FOCAD: variants seen among roughly 807,000 people sequenced by gnomAD.
FOCAD encodes focadhesin, also known as KIAA1797.
A neutral mutation model predicts 225.6 loss-of-function variants in FOCAD; 198 were observed. The observed-to-expected ratio is 0.88, with a 90% CI of 0.78 to 0.99. The LOEUF (loss-of-function observed/expected upper bound fraction) is 0.99. Among genes scored for constraint, FOCAD ranks in the 50% least tolerant of loss-of-function variants. The pLI is 0.00. For synonymous variants in FOCAD, 897 were observed against 755.0 expected (o/e 1.19, Z -3.08); for missense variants, 2,713 against 2,123.6 (o/e 1.28, Z -5.46).
chr9:20,954,533 G>T (rs1263761373), intron 35 of FOCAD, among the ~76,000 whole-genome samples: 1 of 151,956 alleles, frequency 6.6e-6, no homozygotes, highest in Non-Finnish European at 1.5e-5. Context: ...ATATTTCTTG[G>T]CAGACATGAA....
intron 11 of FOCAD, among the ~76,000 whole-genome samples, chr9:20,803,798 G>C (rs1161869441): frequency 1.3e-5 from 2 of 152,146 alleles, no homozygotes; most frequent in Non-Finnish European, 2.9e-5. Context: ...CCCTAACTCA[G>C]TGTTGAAGGA....
intron 8 of FOCAD, among the ~76,000 whole-genome samples, chr9:20,775,744 A>T (rs536430242): frequency 1.3e-5 from 2 of 151,960 alleles, no homozygotes; most frequent in Non-Finnish European, 1.5e-5. Context: ...GTTTAGTGCT[A>T]TTTTCATTTG....
intron 34 of FOCAD, among the ~76,000 whole-genome samples, chr9:20,951,990 A>G (rs1837728714): frequency 6.6e-6 from 1 of 152,186 alleles, no homozygotes; most frequent in African/African-American, 2.4e-5. Flanking sequence ...TTCTGTAGCT[A>G]TGGAAATAGG....
At position 20,834,015 on chromosome 9, in the gene FOCAD, G is replaced by C. The variant is rs78167841; in HGVS notation, c.1920+10900G>C. On this transcript the variant is annotated intron_variant, in intron 15 of 43. Coordinates refer to ENST00000338382, the MANE Select transcript of FOCAD (RefSeq NM_001375567.1). ...TACTTACCCAAGTAAACAAAAACATGTTCAGGTAAAAGACTTGTACGGAAT... is the reference window on the plus strand; with the variant it reads ...TACTTACCCAAGTAAACAAAAACATCTTCAGGTAAAAGACTTGTACGGAAT... 6.9e-3 allele frequency among the ~76,000 whole-genome samples: 1,047 copies of C among 152,096 alleles called. 6 individuals carry two copies. The highest frequency in any genetic ancestry group is 0.011 in the Admixed American group (166 of 15,260).
chr9:20,966,360 C>A (rs1450066092), intron 35 of FOCAD, among the ~76,000 whole-genome samples: 5 of 151,556 alleles, frequency 3.3e-5, no homozygotes, highest in Admixed American at 3.3e-4. Flanking sequence ...AAGTCCTTTG[C>A]CTATTTAAAA....
chr9:20,861,410 G>A (rs1301743425), intron 15 of FOCAD, among the ~76,000 whole-genome samples: 2 of 152,108 alleles, frequency 1.3e-5, no homozygotes, highest in African/African-American at 4.8e-5. Flanking sequence ...GTGTAAATGT[G>A]CCTACTGTCA....
chr9:20,962,293 A>G (rs576229656), intron 35 of FOCAD, among the ~76,000 whole-genome samples: 4 of 152,182 alleles, frequency 2.6e-5, no homozygotes, highest in Middle Eastern at 3.4e-3. Flanking sequence ...GATTTCCTCA[A>G]TGGACAGGAA....
At chr9:20,995,134 A>G (rs963322617) in intron 43 of FOCAD, among the ~76,000 whole-genome samples, 1 of 152,076 alleles carries the variant, frequency 6.6e-6, no homozygotes, top group African/African-American at 2.4e-5. Flanking sequence ...ACCTAACTTT[A>G]TTATAGGTTC....
intron 28 of FOCAD, among the ~76,000 whole-genome samples, chr9:20,936,843 C>G (rs1836026716): frequency 6.6e-6 from 1 of 152,122 alleles, no homozygotes; most frequent in Non-Finnish European, 1.5e-5. Flanking sequence ...CGTGTCAGCC[C>G]AAAATCTCCT....
intron 42 of FOCAD, among the ~76,000 whole-genome samples, chr9:20,992,820 G>A (rs1056883343): frequency 4.6e-5 from 7 of 152,114 alleles, no homozygotes; most frequent in African/African-American, 1.7e-4. Context: ...AAAATTAGCT[G>A]GGTGTGGTGG....
intron 11 of FOCAD, among the ~76,000 whole-genome samples, chr9:20,819,079 C>T (rs1824038571): frequency 6.6e-6 from 1 of 152,068 alleles, no homozygotes; most frequent in Non-Finnish European, 1.5e-5. Flanking sequence ...TCCATTGGCT[C>T]CTTTATAGTA....
At chr9:20,784,227 T>TCAAATGCCTGGAATTTGAGGGACATG (rs1447738622) in intron 10 of FOCAD, among the ~76,000 whole-genome samples, 2 of 152,172 alleles carry the variant, frequency 1.3e-5, no homozygotes, top group East Asian at 3.8e-4. Flanking sequence ...TGGGATATCC[T>TCAAATGCCTGGAATTTGAGGGACATG]GTATGTCCCT....
chr9:20,715,738 A>G lies in FOCAD; in HGVS notation c.57+328A>G, dbSNP rs1825278980. Among the ~76,000 whole-genome samples, 4 of 152,158 alleles carry G rather than the reference A, an allele frequency of 2.6e-5. No individual in the cohort carries two copies. The South Asian group carries it at 8.3e-4, about 32-fold the overall frequency. On this transcript the variant is annotated intron_variant, in intron 2 of 43. Coordinates refer to ENST00000338382, the MANE Select transcript of FOCAD (RefSeq NM_001375567.1). ...ATTGGGAACAGAGGTAAACAGTTAT[A>G]TGTCTGAAGAGTATGAGGGATTAAT...
At chr9:20,778,287 C>A (rs1818994709) in intron 8 of FOCAD, among the ~76,000 whole-genome samples, 1 of 152,044 alleles carries the variant, frequency 6.6e-6, no homozygotes, top group Admixed American at 6.6e-5. Context: ...CTCTGCCACC[C>A]AGGCTGGAGT....
chr9:20,760,039 G>C (rs556537342), intron 6 of FOCAD, among the ~76,000 whole-genome samples: 9 of 152,270 alleles, frequency 5.9e-5, no homozygotes, highest in Non-Finnish European at 1.2e-4. Flanking sequence ...GCTGGTTCAG[G>C]GCCTCAATAT....
chr9:20,814,499 A>G (rs1823444573), intron 11 of FOCAD, among the ~76,000 whole-genome samples: 1 of 151,498 alleles, frequency 6.6e-6, no homozygotes, highest in Non-Finnish European at 1.5e-5. Context: ...GGGATTACAT[A>G]TATGTGCCAC....
At chr9:20,715,598 T>C (rs1307074537) in intron 2 of FOCAD, among the ~76,000 whole-genome samples, 188 bp downstream of exon 2, 2 of 152,140 alleles carry the variant, frequency 1.3e-5, no homozygotes, top group African/African-American at 2.4e-5. Context: ...ATATTTGAAA[T>C]TGATCAATCT....
chr9:20,877,909 A>AAAAC (rs1055485309), intron 19 of FOCAD, among the ~76,000 whole-genome samples: 7 of 147,812 alleles, frequency 4.7e-5, no homozygotes, highest in East Asian at 3.9e-4. Context: ...CCATCTCAAA[A>AAAAC]AAACAAACAA....
chr9:20,981,154 TC>T lies in FOCAD; in HGVS notation c.4378-270del, dbSNP rs927194651. Among the ~76,000 whole-genome samples, 154 of 152,286 alleles carry T rather than the reference TC, an allele frequency of 1.0e-3. 1 individual carries two copies. Among genetic ancestry groups the T allele is most frequent in the African/African-American group, 3.5e-3 (145 of 41,558 alleles). ...TCCCGTCACTGAAACCTTGAAAACA[TC>T]CAAGGTTTAAGCTGAGTAGTTCACA... On this transcript the variant is annotated intron_variant, in intron 37 of 43. Transcript: ENST00000338382.
Sources: allele counts gnomAD v4.1 joint callset (sites outside exome capture counted in the v4.1 genomes callset), GRCh38; gene constraint gnomAD v4.1.1; transcripts MANE v1.5; gene names NCBI Gene and HGNC (gene_info 2026-07-23, HGNC 2026-07-21).